The following SMARCC1 variants were observed in gnomAD, a reference collection of about 807,000 sequenced individuals.
SMARCC1 encodes SWI/SNF complex subunit SMARCC1.
Under a neutral mutation model 147.4 loss-of-function variants are expected in SMARCC1, and 43 were observed. The observed-to-expected ratio is 0.29, with a 90% CI of 0.23 to 0.38. The LOEUF (loss-of-function observed/expected upper bound fraction) is 0.38, where lower values mean the gene tolerates loss of function less well. Among genes scored for constraint, SMARCC1 ranks in the 10% least tolerant of loss-of-function variants. The probability of loss-of-function intolerance (pLI) is 1.00; values close to 1 mark genes in which losing one functional copy is unlikely to be tolerated. For missense variants in SMARCC1, 1,119 were observed against 1,381.1 expected (o/e 0.81, Z 3.01); for synonymous variants, 495 against 484.4 (o/e 1.02, Z -0.29).
chr3:47,779,503 A>G (rs1042758480), intron 1 of SMARCC1, among the ~76,000 whole-genome samples: 2 of 152,206 alleles, frequency 1.3e-5, no homozygotes, highest in Non-Finnish European at 2.9e-5. Flanking sequence ...CAATCTCAGT[A>G]GACCCTAGAA....
At chr3:47,666,359 G>A (rs1345796743) in intron 19 of SMARCC1, among the ~76,000 whole-genome samples, 2 of 152,098 alleles carry the variant, frequency 1.3e-5, no homozygotes, top group Admixed American at 6.5e-5. Context: ...TGGGAATTCC[G>A]CATTCAAGCT....
At chr3:47,701,641 C>T (rs1249673077) in intron 10 of SMARCC1, 2 of 412,678 alleles carry the variant, frequency 4.8e-6, no homozygotes, top group Non-Finnish European at 8.7e-6. Flanking sequence ...TAGCGAATCC[C>T]CGTCTCTACT....
At chr3:47,672,888 C>T (rs917856843) in intron 18 of SMARCC1, among the ~76,000 whole-genome samples, 2 of 151,992 alleles carry the variant, frequency 1.3e-5, no homozygotes, top group Non-Finnish European at 2.9e-5. Context: ...AAGCGACTCT[C>T]GAGCTTCAGC....
At chr3:47,702,732 G>C (rs1291419275) in intron 10 of SMARCC1, among the ~76,000 whole-genome samples, 1 of 152,156 alleles carries the variant, frequency 6.6e-6, no homozygotes, top group African/African-American at 2.4e-5. Context: ...CTGAGTAGCT[G>C]AGACTATAGG....
At chr3:47,737,964 G>C (rs1359379391) in intron 4 of SMARCC1, 65 bp downstream of exon 4, 3 of 1,227,716 alleles carry the variant, frequency 2.4e-6, no homozygotes, top group Non-Finnish European at 3.4e-6. Context: ...CGCCTGGCCA[G>C]CCAATCTTAA....
chr3:47,781,829 C>G lies in SMARCC1; in HGVS notation c.-32G>C, dbSNP rs1263949332. ...AGCCCGTCGTCCCCACAGCCTGGCC[C>G]ACCCCGGCCCTCGCGGTGTTTCCCG... On this transcript the variant is annotated 5_prime_UTR_variant, in exon 1 of 28. Transcript: ENST00000254480. The G allele has an allele frequency of 5.3e-6, 7 of 1,308,514 alleles. No homozygotes were observed. In the South Asian group the frequency reaches 1.3e-4, roughly 25 times the overall value. 81.1% of individuals were successfully genotyped at this position (1,308,514 alleles called of 1,614,324 possible).
At chr3:47,721,742 G>C (rs942007561) in intron 6 of SMARCC1, among the ~76,000 whole-genome samples, 3 of 152,074 alleles carry the variant, frequency 2.0e-5, no homozygotes, top group Non-Finnish European at 4.4e-5. Flanking sequence ...CAGGTGTGGT[G>C]GTTCATGCCT....
intron 26 of SMARCC1, among the ~76,000 whole-genome samples, chr3:47,602,855 A>G (rs2032410760): frequency 6.6e-6 from 1 of 152,168 alleles, no homozygotes; most frequent in African/African-American, 2.4e-5. Context: ...ATTTATTACA[A>G]ATGCCTAGGA....
intron 25 of SMARCC1, 103 bp downstream of exon 25, chr3:47,622,104 G>A (rs1398690328): frequency 4.0e-6 from 4 of 1,011,556 alleles, no homozygotes; most frequent in African/African-American, 1.6e-5. Context: ...GTTAGCCATG[G>A]AGACCAAGAG....
intron 7 of SMARCC1, among the ~76,000 whole-genome samples, chr3:47,718,954 C>A (rs1014372192): frequency 1.3e-5 from 2 of 151,920 alleles, no homozygotes; most frequent in South Asian, 4.2e-4. Context: ...TCTCTGTCAC[C>A]CAGGCTGGAC....
At chr3:47,681,606 G>C (rs1171960697) in intron 14 of SMARCC1, among the ~76,000 whole-genome samples, 1 of 152,152 alleles carries the variant, frequency 6.6e-6, no homozygotes, top group Non-Finnish European at 1.5e-5. Context: ...AACATGTTAA[G>C]TAGTGGTTGC....
At chr3:47,752,089 C>A (rs2034636370) in intron 2 of SMARCC1, among the ~76,000 whole-genome samples, 1 of 151,898 alleles carries the variant, frequency 6.6e-6, no homozygotes, top group Non-Finnish European at 1.5e-5. Flanking sequence ...ATCTCAAAAA[C>A]AACAACAACA....
At chr3:47,634,215 G>A (rs986416475) in intron 24 of SMARCC1, among the ~76,000 whole-genome samples, 1 of 152,108 alleles carries the variant, frequency 6.6e-6, no homozygotes, top group Non-Finnish European at 1.5e-5. Flanking sequence ...GTAGGATTTC[G>A]AGTTAGTATA....
chr3:47,657,020 T>C (rs1024594531), intron 21 of SMARCC1, among the ~76,000 whole-genome samples: 2 of 152,046 alleles, frequency 1.3e-5, no homozygotes, highest in Admixed American at 1.3e-4. Flanking sequence ...AAACGTTATA[T>C]AAGACAAAAA....
intron 11 of SMARCC1, among the ~76,000 whole-genome samples, chr3:47,694,296 T>A (rs1440915983): frequency 2.6e-5 from 4 of 152,240 alleles, no homozygotes; most frequent in African/African-American, 4.8e-5. Context: ...GTACACATTT[T>A]AAAATTTTAA....
chr3:47,779,149 C>G (rs1403663220), intron 1 of SMARCC1, among the ~76,000 whole-genome samples: 1 of 151,696 alleles, frequency 6.6e-6, no homozygotes, highest in South Asian at 2.1e-4. Context: ...AATGCATGAG[C>G]TGAATGCAAG....
rs750090865 is a variant in SMARCC1, at chr3:47,750,421, G to A, written c.316-4428C>T. Among the ~76,000 whole-genome samples the A allele has an allele frequency of 9.9e-5, 15 of 152,034 alleles. 1 individual carries two copies. The highest frequency in any genetic ancestry group is 6.3e-3 in the Middle Eastern group (2 of 316). ...GGGCACTCCAGCTTGGCGACAGAAC[G>A]AAACTCCATCTCAAAAATAAATAAA... On this transcript the variant is annotated intron_variant, in intron 2 of 27. Coordinates refer to ENST00000254480, the MANE Select transcript of SMARCC1 (RefSeq NM_003074.4).
At chr3:47,685,320 C>G (rs1392181292) in intron 14 of SMARCC1, among the ~76,000 whole-genome samples, 1 of 152,168 alleles carries the variant, frequency 6.6e-6, no homozygotes, top group African/African-American at 2.4e-5. Flanking sequence ...GAATAACACA[C>G]AACGGAAAAT....
chr3:47,731,364 A>G (rs1255319489), intron 5 of SMARCC1, among the ~76,000 whole-genome samples: 1 of 152,120 alleles, frequency 6.6e-6, no homozygotes, highest in Non-Finnish European at 1.5e-5. Context: ...TACTTCCTCT[A>G]CTAAAGTCTT....
Sources: gnomAD v4.1 joint callset for allele counts (sites outside exome capture counted in the v4.1 genomes callset) on GRCh38, gnomAD v4.1.1 for gene constraint, MANE v1.5 for transcripts, NCBI Gene and HGNC (gene_info 2026-07-23, HGNC 2026-07-21) for gene names.